DAOA: variants seen among roughly 807,000 people sequenced by gnomAD.
DAOA encodes the protein D-amino acid oxidase activator, also known as D-amino acid oxidase regulator.
DAOA carries 15 observed loss-of-function variants against 16.4 expected under a neutral mutation model. The observed-to-expected ratio is 0.91, with a 90% CI of 0.61 to 1.41. The LOEUF (loss-of-function observed/expected upper bound fraction) is 1.41. Among genes scored for constraint, DAOA ranks in the 40% most tolerant of loss-of-function variants. The pLI is 0.00. For missense variants in DAOA, 230 were observed against 176.8 expected, an observed-to-expected ratio of 1.30 and a Z score of -1.71; for synonymous variants, 75 against 59.1, an observed-to-expected ratio of 1.27 and a Z score of -1.23.
intron 4 of DAOA, chr13:105,475,146 A>C: frequency 1.0e-5 from 6 of 587,060 alleles, no homozygotes; most frequent in South Asian, 7.5e-5. Context: ...CCAGATCTCC[A>C]GACTCCTGGG....
chr13:105,466,872 C>G (rs72549469), intron 2 of DAOA, 181 bp from the exon 3 acceptor site: 28 of 818,324 alleles, frequency 3.4e-5, no homozygotes, highest in Non-Finnish European at 4.6e-5. Flanking sequence ...AAAATGCAAA[C>G]CTCAATATCT....
chr13:105,475,258 T>C (rs1877251966), intron 4 of DAOA, among the ~76,000 whole-genome samples: 1 of 152,200 alleles, frequency 6.6e-6, no homozygotes, highest in Non-Finnish European at 1.5e-5. Flanking sequence ...TGGAGGGCAC[T>C]ATCAGCATTA....
chr13:105,488,121 A>G (rs2139206976), intron 4 of DAOA, among the ~76,000 whole-genome samples: 1 of 152,322 alleles, frequency 6.6e-6, no homozygotes, highest in East Asian at 1.9e-4. Flanking sequence ...TAAAAATGTA[A>G]AAAGTCAATA....
chr13:105,466,124 T>A (rs1021113219), intron 1 of DAOA, 64 bp downstream of exon 1: 47 of 1,035,086 alleles, frequency 4.5e-5, no homozygotes, highest in Non-Finnish European at 6.0e-5. Flanking sequence ...ATGGCAGTGT[T>A]CTGATGATCT....
At chr13:105,483,846 TTTG>T (rs1224232191) in intron 4 of DAOA, among the ~76,000 whole-genome samples, 2 of 152,158 alleles carry the variant, frequency 1.3e-5, no homozygotes, top group Admixed American at 6.5e-5. Context: ...TTTTCATTTC[TTTG>T]TTATTTTTTG....
Position 105,466,313 on chromosome 13 carries a change from G to C in DAOA, c.25G>C (p.Asp9His), listed in dbSNP as rs763584884. MLEKLMGA[D>H]SLQLFRSRYT... ...AATGCTGGAAAAGCTGATGGGTGCT[G>C]ATTCTCTCCAGCTTTTCAGGTAGGT... Residue 9 changes from aspartate to histidine, a missense_variant, in exon 2 of 6, where the codon GAT becomes CAT. Transcript: ENST00000375936. 2.5e-6 allele frequency: 4 copies of C among 1,614,120 alleles called. No homozygotes were observed. The Admixed American group carries it at 6.7e-5, about 27-fold the overall frequency.
At chr13:105,467,401 T>C (rs1002911539) in intron 3 of DAOA, among the ~76,000 whole-genome samples, 2 of 152,170 alleles carry the variant, frequency 1.3e-5, no homozygotes, top group Non-Finnish European at 2.9e-5. Flanking sequence ...TCTCTTTTTA[T>C]AAAGCAAACA....
At chr13:105,466,918 C>T in intron 2 of DAOA, 135 bp from the exon 3 acceptor site, 2 of 1,171,168 alleles carry the variant, frequency 1.7e-6, no homozygotes, top group Middle Eastern at 2.2e-4. Context: ...ACGTATTTGG[C>T]TGAATAGTTA....
At position 105,472,680 on chromosome 13, in the gene DAOA, T is replaced by C. The variant is rs1448208076; in HGVS notation, c.276T>C (p.Tyr92=). Residue 92 remains tyrosine, a synonymous_variant, in exon 4 of 6, where the codon TAT becomes TAC. Coordinates refer to ENST00000375936, the MANE Select transcript of DAOA (RefSeq NM_172370.5). ...GGGTCTCTTACCTTCCTCAGCCCTA[T>C]GCAGAGTATGTATCTTCTTCATTTT... ...CPWVSYLPQP[Y]AELEEVSSHV... is the part of the protein sequence containing the mutation. 1 of 1,612,106 alleles carries C rather than the reference T, an allele frequency of 6.2e-7. No individual in the cohort carries two copies. Among genetic ancestry groups the C allele is most frequent in the Non-Finnish European group, 8.5e-7 (1 of 1,179,230 alleles).
At chr13:105,480,371 C>T (rs1040450669) in intron 4 of DAOA, among the ~76,000 whole-genome samples, 5 of 151,942 alleles carry the variant, frequency 3.3e-5, no homozygotes, top group African/African-American at 1.2e-4. Context: ...TTTTTGGTTC[C>T]TAAGAGTCAT....
At chr13:105,485,516 C>A (rs1878044964) in intron 4 of DAOA, among the ~76,000 whole-genome samples, 1 of 152,198 alleles carries the variant, frequency 6.6e-6, no homozygotes, top group Non-Finnish European at 1.5e-5. Context: ...CCTTATCTCA[C>A]TTCCTTTCAA....
At position 105,482,578 on chromosome 13, in the gene DAOA, C is replaced by T. The variant is rs542240982; in HGVS notation, c.282-7323C>T. On this transcript the variant is annotated intron_variant, in intron 4 of 5. Transcript: ENST00000375936. ...AAGCTGGAGTGCAGTGGTGCGATCA[C>T]GGCTCACTGCAACCTCCGCCTCCCA... Among the ~76,000 whole-genome samples, 22 of 151,074 alleles carry T rather than the reference C, an allele frequency of 1.5e-4. No individual in the cohort carries two copies. In the East Asian group the frequency reaches 2.9e-3, roughly 20 times the overall value.
chr13:105,472,497 G>C (rs932276884), intron 3 of DAOA, 41 bp from the exon 4 acceptor site: 10 of 1,586,248 alleles, frequency 6.3e-6, no homozygotes, highest in Non-Finnish European at 8.6e-6. Flanking sequence ...AGATGTGATA[G>C]AGTTAATATG....
intron 4 of DAOA, among the ~76,000 whole-genome samples, chr13:105,473,755 A>T (rs550840767): frequency 1.3e-5 from 2 of 152,132 alleles, no homozygotes; most frequent in South Asian, 2.1e-4. Context: ...GCTATAGTTT[A>T]TCGGTGTGAA....
intron 3 of DAOA, among the ~76,000 whole-genome samples, chr13:105,468,938 A>G (rs527880915): frequency 7.2e-5 from 11 of 152,350 alleles, no homozygotes; most frequent in Admixed American, 2.0e-4. Context: ...TTAGCTGTAA[A>G]TAGACATGAA....
chr13:105,484,388 G>A lies in DAOA; in HGVS notation c.282-5513G>A, dbSNP rs192686056. On this transcript the variant is annotated intron_variant, in intron 4 of 5. Coordinates refer to ENST00000375936, the MANE Select transcript of DAOA (RefSeq NM_172370.5). ...ACAATGTAGCTTGCTGGGATTACAG[G>A]GAAGCTATAGATGAATTTGGGGACA... Among the ~76,000 whole-genome samples, 4 of 151,944 alleles carry A rather than the reference G, an allele frequency of 2.6e-5. No individual in the cohort carries two copies. The East Asian group carries it at 7.7e-4, about 29-fold the overall frequency.
At chr13:105,490,255 T>A in intron 5 of DAOA, 63 bp downstream of exon 5, 1 of 824,850 alleles carries the variant, frequency 1.2e-6, no homozygotes, top group Non-Finnish European at 1.5e-6. Flanking sequence ...TTTTATGAAT[T>A]ATATTTTTAT....
In DAOA at chr13:105,467,028, G is replaced by T. The variant is rs199929051; in HGVS notation, c.45-25G>T. On this transcript the variant is annotated intron_variant, in intron 2 of 5. Coordinates refer to ENST00000375936, the MANE Select transcript of DAOA (RefSeq NM_172370.5). The stretch of plus-strand genomic sequence containing the variant: ...GCAGGGTATAAAGGAATCTGAACAC[G>T]ACTGATATTTTCTTTAATTTTTAGA... 2.5e-6 allele frequency: 4 copies of T among 1,605,344 alleles called. No individual in the cohort carries two copies. In the South Asian group the frequency reaches 4.5e-5, roughly 18 times the overall value.
intron 4 of DAOA, among the ~76,000 whole-genome samples, chr13:105,482,231 C>T (rs1310889285): frequency 6.6e-6 from 1 of 152,192 alleles, no homozygotes; most frequent in Non-Finnish European, 1.5e-5. Flanking sequence ...AACCATATTA[C>T]TTGCTACCTC....
Sources: allele counts gnomAD v4.1 joint callset (sites outside exome capture counted in the v4.1 genomes callset), GRCh38; gene constraint gnomAD v4.1.1; transcripts MANE v1.5; gene names NCBI Gene and HGNC (gene_info 2026-07-23, HGNC 2026-07-21).